Variants in ARMCX5 observed in about 807,000 individuals in gnomAD.
ARMCX5 encodes armadillo repeat-containing X-linked protein 5.
In ARMCX5, 1 loss-of-function variant was observed where a neutral mutation model predicts 7.5. The ratio of observed to expected loss-of-function variants is 0.13; its 90% CI spans 0.05 to 0.63. The LOEUF (loss-of-function observed/expected upper bound fraction) is 0.63. ARMCX5 is among the 30% of genes least tolerant of loss of function. ARMCX5 has a pLI of 0.86. For synonymous variants in ARMCX5, 149 were observed against 145.7 expected, an observed-to-expected ratio of 1.02 and a Z score of -0.16; for missense variants, 346 against 402.2, an observed-to-expected ratio of 0.86 and a Z score of 1.19.
rs756099007 is a variant in ARMCX5, at chrX:102,602,594, C to T, written c.453C>T (p.Asp151=). The T allele has an allele frequency of 2.5e-6, 3 of 1,210,508 alleles. No individual in the cohort carries two copies. The highest frequency in any genetic ancestry group is 2.2e-5 in the Admixed American group (1 of 46,026). The change falls in exon 4 of 4, where the codon GAC becomes GAT. Residue 151 remains aspartate (D), a synonymous_variant. Coordinates refer to ENST00000473968, the MANE Select transcript of ARMCX5 (RefSeq NM_001168478.2). ...AGGCCAATACTGGGTCCAGACCTGA[C>T]AGAAGGGAAGAGACCAGCATTGGGA... The part of the protein sequence containing the change: ...HDKANTGSRP[D]RREETSIGMK...
In ARMCX5 at chrX:102,603,697, A is replaced by G. The variant is rs367941873; in HGVS notation, c.1556A>G (p.Lys519Arg). 15 of 1,204,461 alleles carry G rather than the reference A, an allele frequency of 1.2e-5. No homozygotes were observed. The highest frequency in any genetic ancestry group is 2.2e-5 in the Admixed American group (1 of 45,878). The change falls in exon 4 of 4, where the codon AAA (lysine) becomes AGA (arginine). Residue 519 changes from lysine (K) to arginine (R), a missense_variant. By Grantham distance (26) the Lys-to-Arg change is conservative (BLOSUM62 2). This residue lies in a region of ARMCX5 where 139 missense variants were observed against 141.1 expected (regional missense o/e 0.99). Transcript: ENST00000473968. The part of the protein sequence containing the change: ...AKLFTKEKFT[K>R]SELISIFQEA... Reference sequence around the variant, plus strand: ...CTATTTACCAAGGAAAAGTTCACTAAATCTGAGCTTATTTCAATATTCCAG... The same window carrying G: ...CTATTTACCAAGGAAAAGTTCACTAGATCTGAGCTTATTTCAATATTCCAG...
At position 102,602,424 on chromosome X, in the gene ARMCX5, A is replaced by G. The variant is rs752417086; in HGVS notation, c.283A>G (p.Lys95Glu). Reference sequence around the variant, plus strand: ...TAGAGTCATGGTTGAGACTAAGACAAAACCCCTGGCAGAACGCAGTATAGT... The same window carrying G: ...TAGAGTCATGGTTGAGACTAAGACAGAACCCCTGGCAGAACGCAGTATAGT... ...KTRVMVETKTKPLAERSIVPQ... is the reference protein window; with the variant it reads ...KTRVMVETKTEPLAERSIVPQ... The change falls in exon 4 of 4, where the codon AAA becomes GAA. Residue 95 changes from lysine to glutamate, a missense_variant. This residue lies in a region of ARMCX5 where 204 missense variants were observed against 244.3 expected (regional missense o/e 0.83). Transcript: ENST00000473968. The G allele has an allele frequency of 4.1e-6, 5 of 1,210,295 alleles. No individual in the cohort carries two copies. In the East Asian group the frequency reaches 1.5e-4, roughly 36 times the overall value.
intron 1 of ARMCX5, 44 bp downstream of exon 1, chrX:102,599,891 C>G (rs1474452668): frequency 9.5e-6 from 1 of 105,516 alleles, no homozygotes. Flanking sequence ...ATGTGGGTAT[C>G]AGAGGTGAAC....
Position 102,604,046 on chromosome X carries a change from T to A in ARMCX5, c.*228T>A, listed in dbSNP as rs1352263604. 3.4e-6 allele frequency: 1 copy of A among 297,006 alleles called. No homozygotes were observed. Among genetic ancestry groups the A allele is most frequent in the East Asian group, 5.3e-5 (1 of 18,704 alleles). 24.5% of individuals were successfully genotyped at this position (297,006 alleles called of 1,213,427 possible). On this transcript the variant is annotated 3_prime_UTR_variant, in exon 4 of 4. Coordinates refer to ENST00000473968, the MANE Select transcript of ARMCX5 (RefSeq NM_001168478.2). ...GTATTTCTGCAACGTGACCTGATAA[T>A]GAATCTATTCATCCTGAGTAAGCTA...
rs2081075895 is a variant in ARMCX5, at chrX:102,604,086, A to G, written c.*268A>G. On this transcript the variant is annotated 3_prime_UTR_variant, in exon 4 of 4. Transcript: ENST00000473968. ...TGAGTAAGCTATACTTCTGTGCTTT[A>G]TATTGATATGTGTATTCTTTTGAGA... is the stretch of plus-strand genomic sequence containing the variant. 2 of 236,841 alleles carry G rather than the reference A, an allele frequency of 8.4e-6. No homozygotes were observed. The highest frequency in any genetic ancestry group is 4.7e-4 in the South Asian group (2 of 4,217). 19.5% of individuals were successfully genotyped at this position (236,841 alleles called of 1,213,427 possible). A position where few individuals can be genotyped will look rare whatever the true frequency, so the allele number is the denominator to read the frequency against.
rs1201872188 is a variant in ARMCX5, at chrX:102,601,536, C to G, written c.-263+27C>G. 4 of 111,971 alleles carry G rather than the reference C, an allele frequency of 3.6e-5. No individual in the cohort carries two copies. The Admixed American group carries it at 3.8e-4, about 11-fold the overall frequency. 9.2% of individuals were successfully genotyped at this position (111,971 alleles called of 1,213,427 possible). A position where few individuals can be genotyped will look rare whatever the true frequency, so the allele number is the denominator to read the frequency against. ...TAAGGAGGAGAAAGTTACTCCAGAT[C>G]AGTGCAGGTTGGTATGAGTGTGGGG... is the stretch of plus-strand genomic sequence containing the variant. On this transcript the variant is annotated intron_variant, in intron 3 of 3. Coordinates refer to ENST00000473968, the MANE Select transcript of ARMCX5 (RefSeq NM_001168478.2).
At position 102,599,545 on chromosome X, in the gene ARMCX5, T is replaced by G. The variant is rs1399170847; in HGVS notation, c.-724T>G. ...ACTGCCGTTGTGGGTAACGCGGACG[T>G]GGAAGAACCTCGTCTGCGGAGGAAA... On this transcript the variant is annotated 5_prime_UTR_variant, in exon 1 of 4. Coordinates refer to ENST00000473968, the MANE Select transcript of ARMCX5 (RefSeq NM_001168478.2). The G allele has an allele frequency of 9.1e-6, 1 of 109,795 alleles. No homozygotes were observed. The highest frequency in any genetic ancestry group is 2.9e-4 in the East Asian group (1 of 3,465). 9.0% of individuals were successfully genotyped at this position (109,795 alleles called of 1,213,427 possible). A position where few individuals can be genotyped will look rare whatever the true frequency, so the allele number is the denominator to read the frequency against.
intron 1 of ARMCX5, chrX:102,600,537 C>T (rs1360524949): frequency 9.0e-6 from 1 of 111,086 alleles, no homozygotes; most frequent in African/African-American, 3.3e-5. Flanking sequence ...CCTCCCTTAC[C>T]CGCATTATGT....
At position 102,602,635 on chromosome X, in the gene ARMCX5, A is replaced by G. The variant is rs772263868; in HGVS notation, c.494A>G (p.Glu165Gly). 4 of 1,210,815 alleles carry G rather than the reference A, an allele frequency of 3.3e-6. No individual in the cohort carries two copies. Among genetic ancestry groups the G allele is most frequent in the African/African-American group, 3.5e-5 (2 of 57,731 alleles). ...ETSIGMKSSD[E>G]DEENICSWFW... ...AGCATTGGGATGAAATCCAGTGATG[A>G]GGATGAAGAAAATATATGCTCCTGG... Residue 165 changes from glutamate (E) to glycine (G), a missense_variant, in exon 4 of 4, where the codon GAG (glutamate) becomes GGG (glycine). By Grantham distance (98) the Glu-to-Gly change is moderately conservative. Around this residue, in one of 3 missense-constraint regions of ARMCX5, gnomAD observed 204 missense variants for 244.3 expected, o/e 0.83. Coordinates refer to ENST00000473968, the MANE Select transcript of ARMCX5 (RefSeq NM_001168478.2).
intron 1 of ARMCX5, chrX:102,600,142 C>A (rs1569479507): frequency 9.6e-6 from 1 of 103,938 alleles, no homozygotes; most frequent in Non-Finnish European, 2.0e-5. Flanking sequence ...GTCTGGGGAG[C>A]CCTGAGAGGG....
rs752461022 is a variant in ARMCX5 at position 102,602,916 on chromosome X, C to T, written c.775C>T (p.Leu259=). 7 of 1,209,712 alleles carry T rather than the reference C, an allele frequency of 5.8e-6. No individual in the cohort carries two copies. The East Asian group carries it at 1.8e-4, about 31-fold the overall frequency. ...TLVETLIETP[L]GIRPLTKIPP... ...GGTTGAGACCTTGATTGAAACTCCT[C>T]TGGGGATTCGACCTTTGACCAAGAT... Residue 259 remains leucine (L), a synonymous_variant, in exon 4 of 4, where the codon CTG becomes TTG. Transcript: ENST00000473968.
chrX:102,599,547 G>GA lies in ARMCX5; in HGVS notation c.-720dup, dbSNP rs2081000797. The GA allele has an allele frequency of 9.1e-6, 1 of 110,251 alleles. No individual in the cohort carries two copies. The highest frequency in any genetic ancestry group is 9.8e-5 in the Admixed American group (1 of 10,251). 9.1% of individuals were successfully genotyped at this position (110,251 alleles called of 1,213,427 possible). A position where few individuals can be genotyped will look rare whatever the true frequency, so the allele number is the denominator to read the frequency against. Reference sequence around the variant, plus strand: ...TGCCGTTGTGGGTAACGCGGACGTGGAAGAACCTCGTCTGCGGAGGAAAAG... The same window carrying GA: ...TGCCGTTGTGGGTAACGCGGACGTGGAAAGAACCTCGTCTGCGGAGGAAAAG... On this transcript the variant is annotated 5_prime_UTR_variant, in exon 1 of 4. Coordinates refer to ENST00000473968, the MANE Select transcript of ARMCX5 (RefSeq NM_001168478.2).
At chrX:102,600,382 A>G (rs2081020615) in intron 1 of ARMCX5, 1 of 110,347 alleles carries the variant, frequency 9.1e-6, no homozygotes, top group Non-Finnish European at 1.9e-5. Flanking sequence ...TCAAGGGGAG[A>G]GGAGAAGGAA....
Position 102,602,289 on chromosome X carries a change from A to G in ARMCX5, c.148A>G (p.Thr50Ala), listed in dbSNP as rs1317140536. The change falls in exon 4 of 4, where the codon ACC (threonine) becomes GCC (alanine). Residue 50 changes from threonine (T) to alanine (A), a missense_variant. Coordinates refer to ENST00000473968, the MANE Select transcript of ARMCX5 (RefSeq NM_001168478.2). The part of the protein sequence containing the change: ...AEAELKTESV[T>A]QAKAGDGAMT... ...GGCAGAACTGAAAACAGAATCAGTG[A>G]CCCAGGCCAAAGCTGGTGATGGAGC... 1.7e-6 allele frequency: 2 copies of G among 1,211,730 alleles called. No homozygotes were observed. The highest frequency in any genetic ancestry group is 1.8e-5 in the South Asian group (1 of 56,986).
In ARMCX5 at chrX:102,602,832, G is replaced by T; in HGVS notation, c.691G>T (p.Val231Phe). The T allele has an allele frequency of 8.3e-7, 1 of 1,210,443 alleles. No homozygotes were observed. The highest frequency in any genetic ancestry group is 1.1e-6 in the Non-Finnish European group (1 of 894,385). ...VIAWSRARYIVLVPVEGGEQS... is the reference protein window; with the variant it reads ...VIAWSRARYIFLVPVEGGEQS... ...AGCATGGTCAAGGGCCAGGTATATT[G>T]TCCTAGTTCCAGTTGAAGGAGGGGA... Residue 231 changes from valine (V) to phenylalanine (F), a missense_variant, in exon 4 of 4, where the codon GTC (valine) becomes TTC (phenylalanine). Transcript: ENST00000473968.
intron 1 of ARMCX5, chrX:102,600,163 A>G (rs1160759103): frequency 9.4e-6 from 1 of 105,911 alleles, no homozygotes; most frequent in African/African-American, 3.5e-5. Flanking sequence ...AGAGAATGTA[A>G]AAAGAGGTTG....
chrX:102,603,330 T>A lies in ARMCX5; in HGVS notation c.1189T>A (p.Cys397Ser), dbSNP rs1262944287. 53 of 1,208,635 alleles carry A rather than the reference T, an allele frequency of 4.4e-5. 1 individual carries two copies. The highest frequency in any genetic ancestry group is 5.5e-5 in the Non-Finnish European group (49 of 894,375). ...AGGGGAGTCATATATACATCAAGTTTGTAAAGGCATAATCTCTTGCCCCTT... is the reference window on the plus strand; with the variant it reads ...AGGGGAGTCATATATACATCAAGTTAGTAAAGGCATAATCTCTTGCCCCTT... The part of the protein sequence containing the change: ...KSGESYIHQV[C>S]KGIISCPLNS... Residue 397 changes from cysteine (C) to serine (S), a missense_variant, in exon 4 of 4, where the codon TGT becomes AGT. Around this residue, in one of 3 missense-constraint regions of ARMCX5, gnomAD observed 139 missense variants for 141.1 expected, o/e 0.99. Coordinates refer to ENST00000473968, the MANE Select transcript of ARMCX5 (RefSeq NM_001168478.2).
rs763841626 is a variant in ARMCX5 at position 102,603,297 on chromosome X, C to A, written c.1156C>A (p.Pro386Thr). 15 of 1,209,133 alleles carry A rather than the reference C, an allele frequency of 1.2e-5. No homozygotes were observed. The highest frequency in any genetic ancestry group is 5.3e-5 in the African/African-American group (3 of 56,936). The change falls in exon 4 of 4, where the codon CCA becomes ACA. Residue 386 changes from proline (P) to threonine (T), a missense_variant. Physicochemically the swap from Pro to Thr is conservative, Grantham distance 38. Around this residue, in one of 3 missense-constraint regions of ARMCX5, gnomAD observed 139 missense variants for 141.1 expected, o/e 0.99. Transcript: ENST00000473968. ...TGACAGCTCTGAGTCTTCCGAAGAA[C>A]CAAAATCAGGGGAGTCATATATACA... ...VDDSSESSEE[P>T]KSGESYIHQV...
Position 102,603,081 on chromosome X carries a change from A to G in ARMCX5, c.940A>G (p.Lys314Glu). 2 of 1,211,594 alleles carry G rather than the reference A, an allele frequency of 1.7e-6. No homozygotes were observed. Among genetic ancestry groups the G allele is most frequent in the South Asian group, 1.8e-5 (1 of 56,975 alleles). ...TAGTTTAGAGCCTAAAGAGTTTGAT[A>G]AACTTGTTGCCCTCCTTAAGTTAAC... is the stretch of plus-strand genomic sequence containing the variant. ...GFSLEPKEFD[K>E]LVALLKLTKD... Residue 314 changes from lysine (K) to glutamate (E), a missense_variant, in exon 4 of 4, where the codon AAA (lysine) becomes GAA (glutamate). This residue lies in a region of ARMCX5 where 204 missense variants were observed against 244.3 expected (regional missense o/e 0.83). Coordinates refer to ENST00000473968, the MANE Select transcript of ARMCX5 (RefSeq NM_001168478.2).
Sources: gnomAD v4.1 joint callset for allele counts on GRCh38, gnomAD v4.1.1 for gene constraint, gnomAD v4.1.1 regional missense constraint, MANE v1.5 for transcripts, NCBI Gene and HGNC (gene_info 2026-07-23, HGNC 2026-07-21) for gene names.